CDH13: variants seen among roughly 807,000 people sequenced by gnomAD.
CDH13 encodes the protein cadherin-13.
In CDH13, 24 loss-of-function variants were observed where a neutral mutation model predicts 63.8. The observed-to-expected ratio is 0.38, with a 90% CI of 0.27 to 0.53. CDH13 has a LOEUF of 0.53. Ranked by LOEUF, CDH13 falls within the 20% of genes least tolerant of loss-of-function variation. The pLI is 0.85. For synonymous variants in CDH13, 503 were observed against 355.3 expected (o/e 1.42, Z -4.67); for missense variants, 1,049 against 903.1 (o/e 1.16, Z -2.07).
intron 3 of CDH13, among the ~76,000 whole-genome samples, chr16:83,042,823 A>G (rs1425532365): frequency 1.3e-5 from 2 of 152,246 alleles, no homozygotes; most frequent in African/African-American, 4.8e-5. Flanking sequence ...TACATGAAAT[A>G]TGTTTTACAA....
chr16:83,424,354 G>C (rs1490724043), intron 6 of CDH13, among the ~76,000 whole-genome samples: 1 of 152,194 alleles, frequency 6.6e-6, no homozygotes, highest in Admixed American at 6.5e-5. Context: ...ATAGTCACGT[G>C]GTTAGCATTG....
chr16:83,031,866 A>G, intron 2 of CDH13, 144 bp from the exon 3 acceptor site: 2 of 664,284 alleles, frequency 3.0e-6, no homozygotes, highest in South Asian at 1.9e-5. Context: ...GGGCACAGGC[A>G]TCTTGCTGTG....
At chr16:83,280,314 C>G (rs549578179) in intron 5 of CDH13, among the ~76,000 whole-genome samples, 4 of 152,150 alleles carry the variant, frequency 2.6e-5, no homozygotes, top group Non-Finnish European at 5.9e-5. Context: ...GTAGCTTTAC[C>G]AGGAGTAGGT....
intron 3 of CDH13, among the ~76,000 whole-genome samples, chr16:83,098,259 A>G (rs2034301846): frequency 6.6e-6 from 1 of 152,232 alleles, no homozygotes; most frequent in Non-Finnish European, 1.5e-5. Flanking sequence ...ATGGTATAAG[A>G]ACCTTACAGT....
intron 5 of CDH13, among the ~76,000 whole-genome samples, chr16:83,286,179 C>T (rs1434635523): frequency 6.6e-6 from 1 of 152,226 alleles, no homozygotes; most frequent in African/African-American, 2.4e-5. Context: ...CCAAACACCT[C>T]AAGGAGTTTC....
chr16:82,951,089 G>A (rs1264911248), intron 2 of CDH13, among the ~76,000 whole-genome samples: 1 of 152,118 alleles, frequency 6.6e-6, no homozygotes, highest in South Asian at 2.1e-4. Context: ...ATCTTCAATG[G>A]CCAGGGAGTG....
At chr16:83,004,116 A>C (rs1913225904) in intron 2 of CDH13, among the ~76,000 whole-genome samples, 1 of 152,214 alleles carries the variant, frequency 6.6e-6, no homozygotes, top group South Asian at 2.1e-4. Flanking sequence ...TAATGAATGC[A>C]ACTGTAGAAT....
intron 3 of CDH13, among the ~76,000 whole-genome samples, chr16:83,077,521 C>T (rs2032936641): frequency 1.3e-5 from 2 of 152,094 alleles, no homozygotes; most frequent in Admixed American, 6.5e-5. Context: ...TTCATTCATG[C>T]TCATACATCA....
At chr16:83,372,158 A>T (rs1197476227) in intron 6 of CDH13, among the ~76,000 whole-genome samples, 1 of 152,156 alleles carries the variant, frequency 6.6e-6, no homozygotes, top group Non-Finnish European at 1.5e-5. Context: ...CCCAGTTTGC[A>T]ACAGCTTTGT....
chr16:83,370,323 GCTTGCA>G (rs1673351089), intron 6 of CDH13, among the ~76,000 whole-genome samples: 1 of 150,824 alleles, frequency 6.6e-6, no homozygotes, highest in African/African-American at 2.5e-5. Flanking sequence ...GGGAGGTGGA[GCTTGCA>G]GTGAGCCAAG....
chr16:82,922,754 C>T (rs367882467), intron 2 of CDH13, among the ~76,000 whole-genome samples: 7 of 152,002 alleles, frequency 4.6e-5, no homozygotes, highest in East Asian at 3.9e-4. Context: ...ATCATGTGCC[C>T]GAGAGGAAAA....
At chr16:83,480,152 C>T (rs545515647) in intron 6 of CDH13, among the ~76,000 whole-genome samples, 2 of 152,222 alleles carry the variant, frequency 1.3e-5, no homozygotes, top group South Asian at 4.2e-4. Context: ...TGACAAAACC[C>T]CATCTCTACA....
intron 1 of CDH13, among the ~76,000 whole-genome samples, chr16:82,807,976 A>G (rs995453795): frequency 1.3e-5 from 2 of 152,144 alleles, no homozygotes; most frequent in Admixed American, 6.6e-5. Flanking sequence ...TTAACGAGAG[A>G]CAGAATATTC....
chr16:83,136,914 C>G (rs1405551860), intron 4 of CDH13, among the ~76,000 whole-genome samples: 1 of 152,234 alleles, frequency 6.6e-6, no homozygotes, highest in Non-Finnish European at 1.5e-5. Context: ...TTTGCAGCTA[C>G]TTTGGCATAA....
At chr16:82,824,942 C>A (rs1405260149) in intron 1 of CDH13, 1 of 152,060 alleles carries the variant, frequency 6.6e-6, no homozygotes, top group Non-Finnish European at 1.5e-5. Flanking sequence ...TACTTTTAAT[C>A]TTTTACAGAT....
At chr16:83,233,103 T>G (rs892323882) in intron 5 of CDH13, among the ~76,000 whole-genome samples, 1 of 152,160 alleles carries the variant, frequency 6.6e-6, no homozygotes, top group Non-Finnish European at 1.5e-5. Flanking sequence ...ATTGTCTGCA[T>G]CCCACTTCCT....
At chr16:83,144,440 T>A (rs1233901639) in intron 4 of CDH13, among the ~76,000 whole-genome samples, 1 of 152,232 alleles carries the variant, frequency 6.6e-6, no homozygotes, top group Non-Finnish European at 1.5e-5. Context: ...TGTCTGCCAA[T>A]TTCTATGTTC....
chr16:83,777,912 G>A (rs1019465767), intron 11 of CDH13, among the ~76,000 whole-genome samples: 1 of 152,212 alleles, frequency 6.6e-6, no homozygotes, highest in Non-Finnish European at 1.5e-5. Flanking sequence ...GATTAGTACT[G>A]TATAGTATTA....
At chr16:82,921,215 A>G (rs189544451) in intron 2 of CDH13, among the ~76,000 whole-genome samples, 2 of 152,296 alleles carry the variant, frequency 1.3e-5, no homozygotes, top group Admixed American at 6.5e-5. Context: ...TCTGGAGCCC[A>G]GAAGTCCAAA....
Sources: gnomAD v4.1 joint callset for allele counts (sites outside exome capture counted in the v4.1 genomes callset) on GRCh38, gnomAD v4.1.1 for gene constraint, MANE v1.5 for transcripts, NCBI Gene and HGNC (gene_info 2026-07-23, HGNC 2026-07-21) for gene names.